USP33: variants seen among roughly 807,000 people sequenced by gnomAD.
USP33 encodes the protein ubiquitin carboxyl-terminal hydrolase 33.
USP33 carries 46 observed loss-of-function variants against 124.2 expected under a neutral mutation model. That is an observed-to-expected ratio of 0.37 (90% confidence interval 0.29 to 0.47). The LOEUF is 0.47. Ranked by LOEUF, USP33 falls within the 20% of genes least tolerant of loss-of-function variation. USP33 has a pLI of 0.99. For synonymous variants in USP33, 350 were observed against 352.3 expected, an observed-to-expected ratio of 0.99 and a Z score of 0.07; for missense variants, 851 against 1,070.6, an observed-to-expected ratio of 0.79 and a Z score of 2.86.
At position 77,725,979 on chromosome 1, in the gene USP33, T is replaced by C. The variant is rs1488368848; in HGVS notation, c.1136-217A>G. 8.3e-4 allele frequency among the ~76,000 whole-genome samples: 126 copies of C among 152,294 alleles called. 2 individuals are homozygous for C. Among genetic ancestry groups the C allele is most frequent in the Non-Finnish European group, 4.4e-5 (3 of 68,012 alleles). ...TTACTTGTTTTTTTGAGACAGAGTC[T>C]CCCTCTGTCCCCCAGGCTGCAGTGC... is the stretch of plus-strand genomic sequence containing the variant. On this transcript the variant is annotated intron_variant, in intron 10 of 23. Coordinates refer to ENST00000370794, the MANE Select transcript of USP33 (RefSeq NM_201624.3).
intron 21 of USP33, among the ~76,000 whole-genome samples, chr1:77,702,141 C>CAAAAAAAAAAAAAAAAAAA (rs58750531): frequency 1.1e-3 from 18 of 15,784 alleles, no homozygotes; most frequent in African/African-American, 2.3e-3. Flanking sequence ...GACCCTGTCT[C>CAAAAAAAAAAAAAAAAAAA]AAAAAAAAAA....
intron 5 of USP33, among the ~76,000 whole-genome samples, chr1:77,738,103 G>C (rs1165292801): frequency 6.6e-6 from 1 of 152,206 alleles, no homozygotes; most frequent in Non-Finnish European, 1.5e-5. Flanking sequence ...ATTCAACTGA[G>C]AAACTGAAAA....
chr1:77,717,351 G>A (rs563899549), intron 17 of USP33, among the ~76,000 whole-genome samples: 4 of 152,060 alleles, frequency 2.6e-5, no homozygotes, highest in South Asian at 4.2e-4. Flanking sequence ...TTAGCTGGGC[G>A]TGGTGGCAGG....
At chr1:77,738,871 T>C (rs1678792706) in intron 5 of USP33, among the ~76,000 whole-genome samples, 1 of 152,018 alleles carries the variant, frequency 6.6e-6, no homozygotes, top group African/African-American at 2.4e-5. Flanking sequence ...TTCACAGTAA[T>C]ACAAAGGGGA....
chr1:77,754,837 A>G (rs1680655296), intron 1 of USP33, among the ~76,000 whole-genome samples: 1 of 152,202 alleles, frequency 6.6e-6, no homozygotes, highest in African/African-American at 2.4e-5. Flanking sequence ...TAACATTACC[A>G]CTATTAATAA....
At chr1:77,737,643 T>A (rs1678629170) in intron 5 of USP33, among the ~76,000 whole-genome samples, 1 of 152,350 alleles carries the variant, frequency 6.6e-6, no homozygotes, top group South Asian at 2.1e-4. Flanking sequence ...TGAATGAAAT[T>A]AAGTTTATGC....
At chr1:77,716,920 C>T (rs2101330432) in intron 17 of USP33, among the ~76,000 whole-genome samples, 1 of 149,672 alleles carries the variant, frequency 6.7e-6, no homozygotes, top group South Asian at 2.1e-4. Context: ...GGCTGGAGTG[C>T]AATGGTGCAA....
chr1:77,714,990 A>AT (rs774257922), intron 18 of USP33: 14 of 494,190 alleles, frequency 2.8e-5, no homozygotes, highest in Non-Finnish European at 4.2e-5. Flanking sequence ...AGGTATCCAC[A>AT]TAACTACTGG....
At chr1:77,709,768 T>C (rs1332041434) in intron 21 of USP33, among the ~76,000 whole-genome samples, 2 of 151,648 alleles carry the variant, frequency 1.3e-5, no homozygotes, top group Non-Finnish European at 2.9e-5. Context: ...TATAAACATA[T>C]AGACATATAT....
intron 1 of USP33, among the ~76,000 whole-genome samples, chr1:77,753,498 A>G (rs887014140): frequency 6.6e-6 from 1 of 152,202 alleles, no homozygotes; most frequent in African/African-American, 2.4e-5. Context: ...AGCCAATCTT[A>G]ATGTTCGCAT....
chr1:77,754,713 G>A (rs962424189), intron 1 of USP33, among the ~76,000 whole-genome samples: 1 of 152,146 alleles, frequency 6.6e-6, no homozygotes, highest in African/African-American at 2.4e-5. Flanking sequence ...TAGAAAATCT[G>A]TCTCATTGAT....
At chr1:77,755,639 A>G (rs912704745) in intron 1 of USP33, among the ~76,000 whole-genome samples, 2 of 152,252 alleles carry the variant, frequency 1.3e-5, no homozygotes. Context: ...TGGAGGTTGC[A>G]GTGAGCCAAG....
At chr1:77,720,220 A>T in intron 15 of USP33, 4 of 732,932 alleles carry the variant, frequency 5.5e-6, no homozygotes, top group Non-Finnish European at 6.7e-6. Flanking sequence ...GTGGAAAAAA[A>T]GATAAAGGAT....
At chr1:77,711,095 A>G (rs1449442324) in intron 21 of USP33, among the ~76,000 whole-genome samples, 1 of 152,226 alleles carries the variant, frequency 6.6e-6, no homozygotes, top group African/African-American at 2.4e-5. Flanking sequence ...TCACAAAAGA[A>G]TCAAAGTAGT....
chr1:77,759,374 C>G (rs1265831092), intron 1 of USP33: 1 of 385,756 alleles, frequency 2.6e-6, no homozygotes, highest in African/African-American at 2.1e-5. Context: ...CAGGGAAGAA[C>G]CCCTGAGGAC....
intron 7 of USP33, 125 bp from the exon 8 acceptor site, chr1:77,730,856 C>T (rs1253172156): frequency 3.6e-6 from 2 of 551,342 alleles, no homozygotes; most frequent in Non-Finnish European, 2.9e-6. Context: ...ATCCCTCTTA[C>T]AGCTTCACTT....
intron 1 of USP33, among the ~76,000 whole-genome samples, chr1:77,754,622 T>G (rs1409061312): frequency 6.6e-6 from 1 of 152,204 alleles, no homozygotes; most frequent in Non-Finnish European, 1.5e-5. Flanking sequence ...CTATAATACT[T>G]ACCTAATCAT....
rs1054272934 is a variant in USP33, at chr1:77,699,237, C to A, written c.2510-1306G>T. Among the ~76,000 whole-genome samples the A allele has an allele frequency of 2.6e-5, 4 of 152,044 alleles. No homozygotes were observed. In the South Asian group the frequency reaches 6.2e-4, roughly 24 times the overall value. The stretch of plus-strand genomic sequence containing the variant: ...TGCCAGTTATTAAAAAGTCAAGAAA[C>A]AGGCTGGGCCCAGTGGCTTATGCCT... On this transcript the variant is annotated intron_variant, in intron 22 of 23. Transcript: ENST00000370794.
chr1:77,724,485 C>A (rs939689764), intron 11 of USP33, among the ~76,000 whole-genome samples: 3 of 151,936 alleles, frequency 2.0e-5, no homozygotes, highest in Non-Finnish European at 4.4e-5. Flanking sequence ...ATGTTTTCTT[C>A]TAAGAAAACA....
Sources: allele counts gnomAD v4.1 joint callset (sites outside exome capture counted in the v4.1 genomes callset), GRCh38; gene constraint gnomAD v4.1.1; transcripts MANE v1.5; gene names NCBI Gene and HGNC (gene_info 2026-07-23, HGNC 2026-07-21).